ERN1: variants seen among roughly 807,000 people sequenced by gnomAD.
ERN1 encodes the protein serine/threonine-protein kinase/endoribonuclease IRE1.
Under a neutral mutation model 113.1 loss-of-function variants are expected in ERN1, and 39 were observed. That is an observed-to-expected ratio of 0.34 (90% confidence interval 0.27 to 0.45). ERN1 has a LOEUF of 0.45. Ranked by LOEUF, ERN1 falls within the 20% of genes least tolerant of loss-of-function variation. ERN1 has a pLI of 1.00. For missense variants in ERN1, 976 were observed against 1,274.8 expected (o/e 0.77, Z 3.57); for synonymous variants, 507 against 515.9 (o/e 0.98, Z 0.23).
At chr17:64,062,987 T>C (rs1913100132) in intron 10 of ERN1, among the ~76,000 whole-genome samples, 2 of 152,192 alleles carry the variant, frequency 1.3e-5, no homozygotes, top group Non-Finnish European at 2.9e-5. Context: ...CATCCCCACC[T>C]ACACCGCACT....
chr17:64,111,791 A>G (rs190298634), intron 1 of ERN1, among the ~76,000 whole-genome samples: 1 of 152,314 alleles, frequency 6.6e-6, no homozygotes, highest in Admixed American at 6.5e-5. Context: ...ATCTCTCTAA[A>G]CACTAAGAAA....
chr17:64,052,582 A>G (rs561764223), intron 17 of ERN1, among the ~76,000 whole-genome samples, 198 bp downstream of exon 17: 1 of 152,254 alleles, frequency 6.6e-6, no homozygotes, highest in Admixed American at 6.5e-5. Flanking sequence ...AAAAAAATAG[A>G]TAATTGCCCA....
chr17:64,122,166 A>T (rs565847110), intron 1 of ERN1, among the ~76,000 whole-genome samples: 76 of 152,258 alleles, frequency 5.0e-4, no homozygotes, highest in African/African-American at 1.7e-3. Context: ...GATCAAGTTT[A>T]AGGTTTGGTT....
chr17:64,097,963 C>T, intron 2 of ERN1, 158 bp downstream of exon 2: 1 of 916,504 alleles, frequency 1.1e-6, no homozygotes, highest in East Asian at 2.7e-5. Flanking sequence ...TATAAACGTC[C>T]TTTGAGCAGA....
At chr17:64,106,933 A>G (rs1914546987) in intron 1 of ERN1, among the ~76,000 whole-genome samples, 1 of 152,172 alleles carries the variant, frequency 6.6e-6, no homozygotes, top group Non-Finnish European at 1.5e-5. Flanking sequence ...AGGATATTCA[A>G]AACAAGGACA....
chr17:64,121,392 T>C (rs1391178970), intron 1 of ERN1, among the ~76,000 whole-genome samples: 1 of 152,188 alleles, frequency 6.6e-6, no homozygotes, highest in Non-Finnish European at 1.5e-5. Flanking sequence ...CTTTCAGACA[T>C]ATGACTAGGC....
At chr17:64,114,369 C>A (rs550422949) in intron 1 of ERN1, among the ~76,000 whole-genome samples, 1 of 152,304 alleles carries the variant, frequency 6.6e-6, no homozygotes, top group East Asian at 1.9e-4. Flanking sequence ...AGAAGAAGAG[C>A]ATCTGGTCTT....
intron 2 of ERN1, among the ~76,000 whole-genome samples, chr17:64,096,753 T>C (rs1352269071): frequency 6.6e-6 from 1 of 152,172 alleles, no homozygotes; most frequent in African/African-American, 2.4e-5. Flanking sequence ...TTTGACTAAG[T>C]AACGGAGAGG....
intron 1 of ERN1, among the ~76,000 whole-genome samples, chr17:64,109,069 A>G (rs1914606930): frequency 6.6e-6 from 1 of 152,082 alleles, no homozygotes; most frequent in Non-Finnish European, 1.5e-5. Flanking sequence ...GGTTGCAGTG[A>G]GCTGAGATCG....
At chr17:64,121,206 G>A (rs1914945431) in intron 1 of ERN1, among the ~76,000 whole-genome samples, 1 of 152,160 alleles carries the variant, frequency 6.6e-6, no homozygotes, top group Non-Finnish European at 1.5e-5. Flanking sequence ...TCACAGACCT[G>A]CTCCCTGGTG....
chr17:64,099,432 G>A lies in ERN1; in HGVS notation c.55-1191C>T, dbSNP rs117867636. Reference sequence around the variant, plus strand: ...TTCCTGGATAAGATTTCCCTTTTGAGGTAGGGGTCCCTTCAGCAACCCCAC... The same window carrying A: ...TTCCTGGATAAGATTTCCCTTTTGAAGTAGGGGTCCCTTCAGCAACCCCAC... On this transcript the variant is annotated intron_variant, in intron 1 of 21. Coordinates refer to ENST00000433197, the MANE Select transcript of ERN1 (RefSeq NM_001433.5). Among the ~76,000 whole-genome samples the A allele has an allele frequency of 3.4e-4, 52 of 151,874 alleles. No individual in the cohort carries two copies. In the East Asian group the frequency reaches 9.9e-3, roughly 29 times the overall value.
At chr17:64,056,037 G>C (rs9914491) in intron 12 of ERN1, 89 bp from the exon 13 acceptor site, 14 of 1,456,118 alleles carry the variant, frequency 9.6e-6, no homozygotes, top group Non-Finnish European at 1.3e-5. Flanking sequence ...GTGGCGGAGG[G>C]AGCATGTGTA....
intron 1 of ERN1, among the ~76,000 whole-genome samples, chr17:64,116,441 C>T (rs1467861855): frequency 6.6e-6 from 1 of 152,110 alleles, no homozygotes; most frequent in Non-Finnish European, 1.5e-5. Context: ...TTCTTCTTTG[C>T]AAAACCAGCT....
At position 64,047,946 on chromosome 17, in the gene ERN1, G is replaced by T. The variant is rs563941838; in HGVS notation, c.2441C>A (p.Ala814Glu). The T allele has an allele frequency of 2.3e-5, 37 of 1,613,076 alleles. No individual in the cohort carries two copies. The highest frequency in any genetic ancestry group is 3.0e-5 in the Non-Finnish European group (35 of 1,179,360). ...IARELIEKMI[A>E]MDPQKRPSAK... ...TGAGGGGCGTTTCTGAGGATCCATCGCAATCATCTTCTCTATCAATTCACG... is the reference window on the plus strand; with the variant it reads ...TGAGGGGCGTTTCTGAGGATCCATCTCAATCATCTTCTCTATCAATTCACG... Residue 814 changes from alanine (A) to glutamate (E), a missense_variant, in exon 19 of 22, where the codon GCG becomes GAG. Around this residue, in one of 5 missense-constraint regions of ERN1, gnomAD observed 297 missense variants for 457.8 expected, o/e 0.65. Transcript: ENST00000433197.
At chr17:64,076,338 A>C (rs922591183) in intron 4 of ERN1, among the ~76,000 whole-genome samples, 5 of 152,232 alleles carry the variant, frequency 3.3e-5, no homozygotes, top group African/African-American at 1.2e-4. Context: ...ATACTAAATA[A>C]CTTGGATTTT....
rs1261235080 is a variant in ERN1 at position 64,063,739 on chromosome 17, G to C, written c.1087+247C>G. Reference sequence around the variant, plus strand: ...GGCTTAATGTCGGATACTCACACAAGGTTTACATTAATTTAGTACCTGAGT... The same window carrying C: ...GGCTTAATGTCGGATACTCACACAACGTTTACATTAATTTAGTACCTGAGT... On this transcript the variant is annotated intron_variant, in intron 10 of 21. Coordinates refer to ENST00000433197, the MANE Select transcript of ERN1 (RefSeq NM_001433.5). This position sits in a 1 kb window ranked among gnomAD's most constrained non-coding sequence, Gnocchi z 5.1. 6.6e-6 allele frequency among the ~76,000 whole-genome samples: 1 copy of C among 152,138 alleles called. No homozygotes were observed. Among genetic ancestry groups the C allele is most frequent in the Non-Finnish European group, 1.5e-5 (1 of 68,032 alleles).
At chr17:64,091,242 C>G (rs1362122356) in intron 2 of ERN1, among the ~76,000 whole-genome samples, 1 of 152,196 alleles carries the variant, frequency 6.6e-6, no homozygotes, top group Admixed American at 6.5e-5. Flanking sequence ...GACAGAAAAA[C>G]CAACTGCCAA....
chr17:64,088,771 C>A (rs546644142), intron 2 of ERN1, among the ~76,000 whole-genome samples: 1 of 152,076 alleles, frequency 6.6e-6, no homozygotes. Context: ...AGGTGGGGAC[C>A]GGAATACTCG....
chr17:64,127,694 C>T (rs578193754), intron 1 of ERN1, among the ~76,000 whole-genome samples: 1 of 148,264 alleles, frequency 6.7e-6, no homozygotes, highest in South Asian at 2.1e-4. Context: ...GCGGAGGTTG[C>T]AGTGAGCTGA....
Sources: gnomAD v4.1 joint callset for allele counts (sites outside exome capture counted in the v4.1 genomes callset) on GRCh38, gnomAD v4.1.1 for gene constraint, gnomAD v4.1.1 regional missense constraint, Gnocchi (gnomAD v3.1) non-coding constraint, MANE v1.5 for transcripts, NCBI Gene and HGNC (gene_info 2026-07-23, HGNC 2026-07-21) for gene names.